The following ARHGEF3 variants were observed in gnomAD, a reference collection of about 807,000 sequenced individuals.
The protein encoded by ARHGEF3 is 59.8 kDA protein.
In ARHGEF3, 28 loss-of-function variants were observed where a neutral mutation model predicts 63.2. That is an observed-to-expected ratio of 0.44 (90% CI 0.33 to 0.61). ARHGEF3 has a LOEUF of 0.61. ARHGEF3 is among the 20% of genes least tolerant of loss of function. The pLI is 0.03. For synonymous variants in ARHGEF3, 266 were observed against 254.2 expected (o/e 1.05, Z -0.44); for missense variants, 533 against 659.3 (o/e 0.81, Z 2.10).
chr3:56,956,496 G>A (rs7627728), intron 3 of ARHGEF3, among the ~76,000 whole-genome samples: 2 of 152,314 alleles, frequency 1.3e-5, no homozygotes, highest in African/African-American at 4.8e-5. Flanking sequence ...AGGTTCCTTT[G>A]AGTAACAAGT....
intron 3 of ARHGEF3, among the ~76,000 whole-genome samples, chr3:56,903,184 T>C (rs1393275026): frequency 6.6e-6 from 1 of 151,982 alleles, no homozygotes; most frequent in Admixed American, 6.6e-5. Context: ...AGGTACAGAA[T>C]GGAGGTAGGG....
intron 1 of ARHGEF3, among the ~76,000 whole-genome samples, chr3:57,048,616 C>T (rs1228694355): frequency 6.6e-6 from 1 of 152,138 alleles, no homozygotes; most frequent in African/African-American, 2.4e-5. Context: ...GTAGGAGCAG[C>T]TGTGCCCCAC....
intron 4 of ARHGEF3, among the ~76,000 whole-genome samples, chr3:56,861,769 C>T (rs1286427651): frequency 1.3e-5 from 2 of 152,022 alleles, no homozygotes; most frequent in African/African-American, 2.4e-5. Flanking sequence ...AAGATCCTGC[C>T]GGAAGCATCC....
At chr3:57,018,790 C>T (rs2107151204) in intron 2 of ARHGEF3, among the ~76,000 whole-genome samples, 1 of 152,196 alleles carries the variant, frequency 6.6e-6, no homozygotes, top group Middle Eastern at 3.4e-3. Flanking sequence ...TCTCATTAAT[C>T]CCCACAACCA....
chr3:56,881,961 G>C (rs1276374203), intron 4 of ARHGEF3, among the ~76,000 whole-genome samples: 1 of 152,218 alleles, frequency 6.6e-6, no homozygotes, highest in Non-Finnish European at 1.5e-5. Context: ...CCCAAAGGGG[G>C]ACAAACATCT....
chr3:56,820,256 G>A (rs564387542), intron 4 of ARHGEF3, among the ~76,000 whole-genome samples: 1 of 152,330 alleles, frequency 6.6e-6, no homozygotes, highest in East Asian at 1.9e-4. Flanking sequence ...TCTACCCAGG[G>A]AGGTACTGTA....
At position 56,729,435 on chromosome 3, in the gene ARHGEF3, G is replaced by C. The variant is rs748002622; in HGVS notation, c.1416C>G (p.Thr472=). 14 of 1,613,976 alleles carry C rather than the reference G, an allele frequency of 8.7e-6. No homozygotes were observed. In the Admixed American group the frequency reaches 2.3e-4, roughly 27 times the overall value. Residue 472 remains threonine, a synonymous_variant, in exon 10 of 10, where the codon ACC becomes ACG. Coordinates refer to ENST00000296315, the MANE Select transcript of ARHGEF3 (RefSeq NM_019555.3). ...TTTCTCCCTGTAGCTCTCTGCTCCC[G>C]GTGGTGGGATTTAGGAACGATCCCT... The part of the protein sequence containing the change: ...DSEGSFLNPT[T]GSRELQGETK...
At chr3:56,736,590 G>T (rs951318493) in intron 8 of ARHGEF3, among the ~76,000 whole-genome samples, 2 of 152,092 alleles carry the variant, frequency 1.3e-5, no homozygotes, top group East Asian at 3.8e-4. Context: ...TTTATTTTCT[G>T]AAATCAAAGT....
chr3:57,036,579 CA>C (rs1690698273), intron 1 of ARHGEF3, among the ~76,000 whole-genome samples: 1 of 152,156 alleles, frequency 6.6e-6, no homozygotes, highest in South Asian at 2.1e-4. Context: ...GGTTGAGGAT[CA>C]AAAGATAGAT....
chr3:57,027,844 G>A (rs1269084092), intron 2 of ARHGEF3, among the ~76,000 whole-genome samples: 1 of 152,088 alleles, frequency 6.6e-6, no homozygotes, highest in Non-Finnish European at 1.5e-5. Flanking sequence ...GGGCAACAGA[G>A]CGAGACTCTG....
At chr3:56,976,981 T>C (rs544368668) in intron 2 of ARHGEF3, among the ~76,000 whole-genome samples, 1 of 152,196 alleles carries the variant, frequency 6.6e-6, no homozygotes, top group African/African-American at 2.4e-5. Flanking sequence ...ATATTAGTAC[T>C]ATTTTCATAC....
intron 3 of ARHGEF3, among the ~76,000 whole-genome samples, chr3:56,947,143 G>A (rs1219936865): frequency 3.3e-5 from 5 of 152,122 alleles, no homozygotes; most frequent in Admixed American, 2.6e-4. Context: ...AATATGGAAA[G>A]GAACAACCAG....
Position 56,946,492 on chromosome 3 carries a change from G to A in ARHGEF3, c.129+12331C>T, listed in dbSNP as rs545816137. On this transcript the variant is annotated intron_variant, in intron 3 of 12. Coordinates refer to the ARHGEF3 transcript ENST00000338458. ...CTACGTGATGAATGCACTAGCCTCA[G>A]CAGCCGATTCGATCAACTGGAAGAA... Among the ~76,000 whole-genome samples the A allele has an allele frequency of 3.9e-5, 6 of 152,324 alleles. No individual in the cohort carries two copies. The East Asian group carries it at 7.7e-4, about 20-fold the overall frequency.
At chr3:56,968,439 A>G (rs1700763459) in intron 2 of ARHGEF3, among the ~76,000 whole-genome samples, 1 of 139,918 alleles carries the variant, frequency 7.1e-6, no homozygotes, top group South Asian at 2.2e-4. Flanking sequence ...TCCCCAGCTC[A>G]AGTGATACTC....
At chr3:57,059,136 TATA>T (rs1455982734) in intron 1 of ARHGEF3, among the ~76,000 whole-genome samples, 1 of 152,086 alleles carries the variant, frequency 6.6e-6, no homozygotes, top group Non-Finnish European at 1.5e-5. Flanking sequence ...AAACTTAAAG[TATA>T]ATAATAATAA....
intron 4 of ARHGEF3, among the ~76,000 whole-genome samples, chr3:56,867,780 T>G (rs1330122486): frequency 1.3e-5 from 2 of 152,204 alleles, no homozygotes; most frequent in Admixed American, 1.3e-4. Context: ...CTGGAAATGC[T>G]ATTTCACATA....
chr3:57,011,869 G>A (rs1247551385), intron 2 of ARHGEF3, among the ~76,000 whole-genome samples: 2 of 152,178 alleles, frequency 1.3e-5, no homozygotes, highest in Non-Finnish European at 2.9e-5. Flanking sequence ...AGTGCTCGCA[G>A]GGCCTCTGAT....
intron 2 of ARHGEF3, among the ~76,000 whole-genome samples, chr3:56,967,436 A>ATATATT (rs1491217481): frequency 1.4e-5 from 1 of 69,746 alleles, no homozygotes; most frequent in African/African-American, 5.8e-5. Context: ...TATATTATAT[A>ATATATT]ATATATTATA....
chr3:56,777,587 G>A (rs987392659), intron 1 of ARHGEF3, among the ~76,000 whole-genome samples: 3 of 152,084 alleles, frequency 2.0e-5, no homozygotes, highest in Non-Finnish European at 4.4e-5. Flanking sequence ...AATGCCTATC[G>A]TACCAATATA....
Sources: gnomAD v4.1 joint callset for allele counts (sites outside exome capture counted in the v4.1 genomes callset) on GRCh38, gnomAD v4.1.1 for gene constraint, MANE v1.5 for transcripts, NCBI Gene and HGNC (gene_info 2026-07-23, HGNC 2026-07-21) for gene names.